Variants in ZBTB7C observed in about 807,000 individuals in gnomAD.
ZBTB7C encodes the protein zinc finger and BTB domain-containing protein 7C.
Under a neutral mutation model 25.7 loss-of-function variants are expected in ZBTB7C, and 8 were observed. The ratio of observed to expected loss-of-function variants is 0.31; its 90% CI spans 0.18 to 0.56. ZBTB7C has a LOEUF of 0.56. Ranked by LOEUF, ZBTB7C falls within the 20% of genes least tolerant of loss-of-function variation. The pLI is 0.91. For synonymous variants in ZBTB7C, 394 were observed against 369.0 expected (o/e 1.07, Z -0.78); for missense variants, 824 against 855.2 (o/e 0.96, Z 0.46).
chr18:48,064,809 G>A (rs1185276323), intron 3 of ZBTB7C, among the ~76,000 whole-genome samples: 5 of 152,128 alleles, frequency 3.3e-5, no homozygotes, highest in East Asian at 1.9e-4. Flanking sequence ...AGGGCCCCCC[G>A]GGAGGAGTAG....
chr18:48,221,412 C>T (rs1030021835), intron 2 of ZBTB7C, among the ~76,000 whole-genome samples: 1 of 135,726 alleles, frequency 7.4e-6, no homozygotes, highest in African/African-American at 3.2e-5. Flanking sequence ...CCTAGTCTCC[C>T]TCTATACTGT....
intron 2 of ZBTB7C, among the ~76,000 whole-genome samples, chr18:48,202,097 G>A (rs1238042777): frequency 6.6e-6 from 1 of 152,232 alleles, no homozygotes; most frequent in African/African-American, 2.4e-5. Flanking sequence ...GACTTTGCCT[G>A]GGTGATGCTG....
Position 48,341,483 on chromosome 18 carries a change from G to A in ZBTB7C, c.-303-3085C>T, listed in dbSNP as rs570237848. On this transcript the variant is annotated intron_variant, in intron 1 of 4. Transcript: ENST00000590800. ...AAGACCTGCAGAGGTGTGATCTGAG[G>A]AGAGCGGACAGGCTCCCACCCCATC... 2.4e-4 allele frequency among the ~76,000 whole-genome samples: 36 copies of A among 152,378 alleles called. 1 individual carries two copies. The highest frequency in any genetic ancestry group is 8.7e-4 in the African/African-American group (36 of 41,600).
chr18:48,147,181 G>A (rs1370272220), intron 3 of ZBTB7C, among the ~76,000 whole-genome samples: 1 of 151,852 alleles, frequency 6.6e-6, no homozygotes, highest in Non-Finnish European at 1.5e-5. Context: ...GGGTTCAAGT[G>A]ATTCTCGTGC....
intron 3 of ZBTB7C, among the ~76,000 whole-genome samples, chr18:48,139,303 G>T (rs1219346952): frequency 6.6e-6 from 1 of 152,172 alleles, no homozygotes; most frequent in African/African-American, 2.4e-5. Context: ...TGCAGCTTCT[G>T]GCTGAAAGGA....
At chr18:48,188,728 C>T (rs911527889) in intron 2 of ZBTB7C, among the ~76,000 whole-genome samples, 17 of 152,210 alleles carry the variant, frequency 1.1e-4, no homozygotes, top group African/African-American at 4.1e-4. Context: ...CCAGTCCTAT[C>T]CCTGTGTCCC....
At chr18:48,091,614 G>A (rs1185887812) in intron 3 of ZBTB7C, among the ~76,000 whole-genome samples, 9 of 152,122 alleles carry the variant, frequency 5.9e-5, no homozygotes, top group Admixed American at 3.9e-4. Context: ...CACATTGGCT[G>A]TAACAGCTGA....
At chr18:48,380,559 C>T (rs974675919) in intron 1 of ZBTB7C, among the ~76,000 whole-genome samples, 1 of 152,116 alleles carries the variant, frequency 6.6e-6, no homozygotes, top group Non-Finnish European at 1.5e-5. Flanking sequence ...TATATCCATG[C>T]TCTGTCATCT....
At chr18:48,052,131 G>GT (rs2036711335) in intron 3 of ZBTB7C, among the ~76,000 whole-genome samples, 1 of 152,154 alleles carries the variant, frequency 6.6e-6, no homozygotes, top group Non-Finnish European at 1.5e-5. Context: ...TAGGCCACGC[G>GT]TTACTGAGTT....
At chr18:48,061,737 G>A (rs1249864656) in intron 3 of ZBTB7C, among the ~76,000 whole-genome samples, 3 of 152,292 alleles carry the variant, frequency 2.0e-5, no homozygotes, top group Non-Finnish European at 2.9e-5. Context: ...CCCACTGGAC[G>A]GGAATGTAAG....
intron 2 of ZBTB7C, among the ~76,000 whole-genome samples, chr18:48,314,457 G>A (rs2045900652): frequency 6.6e-6 from 1 of 152,128 alleles, no homozygotes. Context: ...ATTTTTAGTT[G>A]CCACTACTAA....
At chr18:48,102,812 T>C (rs1014617858) in intron 3 of ZBTB7C, among the ~76,000 whole-genome samples, 4 of 151,802 alleles carry the variant, frequency 2.6e-5, no homozygotes, top group African/African-American at 7.3e-5. Flanking sequence ...TGTGGCTACA[T>C]TGCATTTATA....
chr18:48,052,993 C>G (rs1451154138), intron 3 of ZBTB7C, among the ~76,000 whole-genome samples: 2 of 152,198 alleles, frequency 1.3e-5, no homozygotes, highest in Non-Finnish European at 2.9e-5. Context: ...CTTTAGTTCT[C>G]TCTGGGACCC....
intron 2 of ZBTB7C, among the ~76,000 whole-genome samples, chr18:48,243,707 A>G (rs1192174389): frequency 6.6e-6 from 1 of 152,216 alleles, no homozygotes; most frequent in East Asian, 1.9e-4. Context: ...AAAAGAGCTC[A>G]CATAGCCAAA....
intron 1 of ZBTB7C, among the ~76,000 whole-genome samples, chr18:48,365,442 A>G (rs2047200552): frequency 6.6e-6 from 1 of 152,242 alleles, no homozygotes; most frequent in Admixed American, 6.5e-5. Context: ...GTCATATTAT[A>G]TAAGACTCTG....
At chr18:48,313,506 G>A (rs767015159) in intron 2 of ZBTB7C, among the ~76,000 whole-genome samples, 1 of 152,204 alleles carries the variant, frequency 6.6e-6, no homozygotes, top group Non-Finnish European at 1.5e-5. Context: ...TGCAATCACT[G>A]CTCTAGTTCC....
At chr18:48,321,077 G>A (rs1343681105) in intron 2 of ZBTB7C, among the ~76,000 whole-genome samples, 1 of 152,198 alleles carries the variant, frequency 6.6e-6, no homozygotes, top group Admixed American at 6.5e-5. Context: ...TAAATTATTG[G>A]TGCCTGAGTC....
At position 48,266,647 on chromosome 18, in the gene ZBTB7C, C is replaced by T. The variant is rs528882933; in HGVS notation, c.-79+71527G>A. On this transcript the variant is annotated intron_variant, in intron 2 of 4. Coordinates refer to ENST00000590800, the MANE Select transcript of ZBTB7C (RefSeq NM_001318841.2). The stretch of plus-strand genomic sequence containing the variant: ...CTGTCCACACAACCCCCCTAGCATC[C>T]GTACCAAATCAGTGGCTCCAGGCAC... Among the ~76,000 whole-genome samples, 50 of 152,332 alleles carry T rather than the reference C, an allele frequency of 3.3e-4. 1 individual carries two copies. The highest frequency in any genetic ancestry group is 2.0e-4 in the Admixed American group (3 of 15,304).
At chr18:48,309,534 C>T (rs2045760804) in intron 2 of ZBTB7C, among the ~76,000 whole-genome samples, 1 of 152,200 alleles carries the variant, frequency 6.6e-6, no homozygotes, top group African/African-American at 2.4e-5. Context: ...GAGGCTGTCA[C>T]ATGAGCATCT....
Sources: allele counts gnomAD v4.1 joint callset (sites outside exome capture counted in the v4.1 genomes callset), GRCh38; gene constraint gnomAD v4.1.1; transcripts MANE v1.5; gene names NCBI Gene and HGNC (gene_info 2026-07-23, HGNC 2026-07-21).